Variants in GRIA4 observed in about 807,000 individuals in gnomAD.
GRIA4 encodes the protein glutamate ionotropic receptor AMPA type subunit 4, also known as glutamate receptor 4.
GRIA4 carries 34 observed loss-of-function variants against 104.0 expected under a neutral mutation model. The observed-to-expected ratio is 0.33, with a 90% confidence interval of 0.25 to 0.44. GRIA4 has a LOEUF of 0.44. Ranked by LOEUF, GRIA4 falls within the 20% of genes least tolerant of loss-of-function variation. GRIA4 has a pLI of 1.00. For synonymous variants in GRIA4, 386 were observed against 381.9 expected (o/e 1.01, Z -0.13); for missense variants, 750 against 1,096.5 (o/e 0.68, Z 4.46).
chr11:105,633,371 T>C (rs960383276), intron 3 of GRIA4, among the ~76,000 whole-genome samples: 10 of 152,240 alleles, frequency 6.6e-5, no homozygotes, highest in Middle Eastern at 3.2e-3. Context: ...ATCTGTTCAA[T>C]AGACTATGAG....
intron 3 of GRIA4, among the ~76,000 whole-genome samples, chr11:105,623,057 A>G (rs1240938934): frequency 1.8e-3 from 14 of 7,860 alleles, no homozygotes; most frequent in East Asian, 0.038. Context: ...TCCATTGTAT[A>G]TATATATATA....
chr11:105,970,111 T>C (rs908698433), intron 14 of GRIA4, among the ~76,000 whole-genome samples: 2 of 152,092 alleles, frequency 1.3e-5, no homozygotes, highest in African/African-American at 2.4e-5. Flanking sequence ...AATTCAGCTT[T>C]TAGTAGAAAG....
At chr11:105,818,022 G>A (rs532654913) in intron 4 of GRIA4, among the ~76,000 whole-genome samples, 137 of 152,050 alleles carry the variant, frequency 9.0e-4, no homozygotes, top group African/African-American at 3.2e-3. Flanking sequence ...AAAAATAAAT[G>A]GAAATAAATG....
chr11:105,784,156 C>G (rs938345399), intron 4 of GRIA4, among the ~76,000 whole-genome samples: 3 of 152,152 alleles, frequency 2.0e-5, no homozygotes, highest in African/African-American at 4.8e-5. Flanking sequence ...ATGCTTAGAA[C>G]AGTACCTGGG....
chr11:105,880,401 G>T (rs1946005466), intron 5 of GRIA4, among the ~76,000 whole-genome samples: 1 of 152,150 alleles, frequency 6.6e-6, no homozygotes, highest in South Asian at 2.1e-4. Context: ...GGATAAAGGG[G>T]TGGCATGGAA....
intron 5 of GRIA4, among the ~76,000 whole-genome samples, chr11:105,887,137 C>A (rs757102224): frequency 1.3e-5 from 2 of 152,030 alleles, no homozygotes; most frequent in Non-Finnish European, 2.9e-5. Context: ...AGCCTATCTT[C>A]CATTTTTATA....
intron 4 of GRIA4, among the ~76,000 whole-genome samples, chr11:105,835,290 G>T (rs621632): frequency 2.0e-5 from 3 of 151,712 alleles, no homozygotes; most frequent in Non-Finnish European, 2.9e-5. Flanking sequence ...TGACTTATAC[G>T]TGAGTGGTAC....
intron 7 of GRIA4, among the ~76,000 whole-genome samples, chr11:105,902,575 T>C (rs1235640058): frequency 6.6e-6 from 1 of 152,156 alleles, no homozygotes. Flanking sequence ...ACTCAAGTGA[T>C]CCACCCACCT....
At chr11:105,847,315 C>A (rs1015350946) in intron 4 of GRIA4, among the ~76,000 whole-genome samples, 2 of 152,164 alleles carry the variant, frequency 1.3e-5, no homozygotes, top group African/African-American at 4.8e-5. Context: ...CAGTAATGCT[C>A]CCTTGCCCAC....
At chr11:105,848,012 G>A (rs2135979587) in intron 4 of GRIA4, among the ~76,000 whole-genome samples, 1 of 152,304 alleles carries the variant, frequency 6.6e-6, no homozygotes, top group African/African-American at 2.4e-5. Flanking sequence ...TTTGGATAAT[G>A]TCTTCCAAAA....
At chr11:105,618,277 T>C (rs771858724) in intron 3 of GRIA4, among the ~76,000 whole-genome samples, 4 of 152,042 alleles carry the variant, frequency 2.6e-5, no homozygotes, top group Non-Finnish European at 5.9e-5. Flanking sequence ...AGCAAACTTA[T>C]GTTTTATAAA....
In GRIA4 at chr11:105,946,053, T is replaced by C. The variant is rs74339862; in HGVS notation, c.2294+12084T>C. Reference sequence around the variant, plus strand: ...ACTTAGTGAGATTTTTAAGGTGCCATAGGAAAACTGTGGTTAGAAAAATAG... The same window carrying C: ...ACTTAGTGAGATTTTTAAGGTGCCACAGGAAAACTGTGGTTAGAAAAATAG... On this transcript the variant is annotated intron_variant, in intron 14 of 16. Transcript: ENST00000282499. Among the ~76,000 whole-genome samples, 1,214 of 152,300 alleles carry C rather than the reference T, an allele frequency of 8.0e-3. 9 individuals carry two copies. The highest frequency in any genetic ancestry group is 0.012 in the Non-Finnish European group (848 of 68,024).
chr11:105,849,653 A>C (rs1443283706), intron 4 of GRIA4, among the ~76,000 whole-genome samples: 1 of 152,192 alleles, frequency 6.6e-6, no homozygotes, highest in Admixed American at 6.5e-5. Context: ...TCAGATAAGG[A>C]GAGTGCTAAG....
Position 105,749,335 on chromosome 11 carries a change from A to C in GRIA4, c.248-3646A>C, listed in dbSNP as rs540616793. Among the ~76,000 whole-genome samples the C allele has an allele frequency of 3.3e-5, 5 of 152,344 alleles. 1 individual carries two copies. Among genetic ancestry groups the C allele is most frequent in the African/African-American group, 1.2e-4 (5 of 41,594 alleles). On this transcript the variant is annotated intron_variant, in intron 3 of 16. Coordinates refer to ENST00000282499, the MANE Select transcript of GRIA4 (RefSeq NM_000829.4). ...CTCAACTATATGGCTGTGAAACAGT[A>C]GAGAGATAGGAAGCATGAGGTCAGG...
intron 3 of GRIA4, among the ~76,000 whole-genome samples, chr11:105,725,758 G>C (rs893873160): frequency 2.0e-5 from 3 of 152,042 alleles, no homozygotes; most frequent in Non-Finnish European, 4.4e-5. Context: ...GCTGAAGCAG[G>C]ATGAGGCATC....
At chr11:105,841,098 A>G (rs1944375404) in intron 4 of GRIA4, among the ~76,000 whole-genome samples, 2 of 152,116 alleles carry the variant, frequency 1.3e-5, no homozygotes, top group Admixed American at 1.3e-4. Context: ...AATTCAGATG[A>G]TTAGCACTTC....
chr11:105,728,647 A>T (rs1476378747), intron 3 of GRIA4, among the ~76,000 whole-genome samples: 1 of 152,234 alleles, frequency 6.6e-6, no homozygotes, highest in African/African-American at 2.4e-5. Context: ...AAATTATAAC[A>T]AACAGTCTCA....
chr11:105,797,936 C>A, intron 4 of GRIA4: 1 of 391,552 alleles, frequency 2.6e-6, no homozygotes, highest in Non-Finnish European at 5.2e-6. Flanking sequence ...GAGCTGATGC[C>A]AAGTTTGAAT....
At chr11:105,952,979 C>T (rs541185467) in intron 14 of GRIA4, among the ~76,000 whole-genome samples, 2 of 152,280 alleles carry the variant, frequency 1.3e-5, no homozygotes, top group Non-Finnish European at 1.5e-5. Flanking sequence ...GTAGAGCAAT[C>T]TAGCCCAAAT....
Sources: gnomAD v4.1 joint callset for allele counts (sites outside exome capture counted in the v4.1 genomes callset) on GRCh38, gnomAD v4.1.1 for gene constraint, MANE v1.5 for transcripts, NCBI Gene and HGNC (gene_info 2026-07-23, HGNC 2026-07-21) for gene names.